PRR16: variants seen among roughly 807,000 people sequenced by gnomAD.
The protein encoded by PRR16 is proline rich 16, also known as protein Largen.
Under a neutral mutation model 18.2 loss-of-function variants are expected in PRR16, and 6 were observed. That is an observed-to-expected ratio of 0.33 (90% CI 0.18 to 0.65). The LOEUF (loss-of-function observed/expected upper bound fraction) is 0.65. Ranked by LOEUF, PRR16 falls within the 30% of genes least tolerant of loss-of-function variation. The probability of loss-of-function intolerance (pLI) is 0.74; values close to 1 mark genes in which losing one functional copy is unlikely to be tolerated. For missense variants in PRR16, 412 were observed against 376.6 expected (o/e 1.09, Z -0.78); for synonymous variants, 151 against 147.8 (o/e 1.02, Z -0.16).
chr5:120,566,753 C>A (rs1270532485), intron 1 of PRR16, among the ~76,000 whole-genome samples: 2 of 152,154 alleles, frequency 1.3e-5, no homozygotes, highest in Admixed American at 6.5e-5. Flanking sequence ...TCTCAATGTC[C>A]ATGCTTGTCA....
chr5:120,497,179 T>C (rs1750275189), intron 1 of PRR16, among the ~76,000 whole-genome samples: 1 of 152,146 alleles, frequency 6.6e-6, no homozygotes, highest in Admixed American at 6.5e-5. Context: ...TGCATTCTGC[T>C]CTTTCAAGGA....
chr5:120,768,637 AAAAC>A, the PRR16 span, among the ~76,000 whole-genome samples: 4 of 151,778 alleles, frequency 2.6e-5, no homozygotes, highest in Non-Finnish European at 1.5e-5. Context: ...TACAAAGAGA[AAAAC>A]AAAGGTTTGC....
the PRR16 span, among the ~76,000 whole-genome samples, chr5:120,764,702 A>G: frequency 1.4e-4 from 22 of 152,078 alleles, no homozygotes. Context: ...AGAAGTGTAT[A>G]TAATGCATTT....
At position 120,619,372 on chromosome 5, in the gene PRR16, G is replaced by A. The variant is rs1377319620; in HGVS notation, c.160-66582G>A. 2.6e-5 allele frequency among the ~76,000 whole-genome samples: 4 copies of A among 152,076 alleles called. No individual in the cohort carries two copies. In the East Asian group the frequency reaches 7.7e-4, roughly 29 times the overall value. ...ATAAAGTTGACTAGGAAAAATAATAGTATGGAATGTGCAATGTCTTTCCAT... is the reference window on the plus strand; with the variant it reads ...ATAAAGTTGACTAGGAAAAATAATAATATGGAATGTGCAATGTCTTTCCAT... On this transcript the variant is annotated intron_variant, in intron 1 of 1. Coordinates refer to ENST00000407149, the MANE Select transcript of PRR16 (RefSeq NM_001300783.2).
At chr5:120,665,235 T>G (rs1360416535) in intron 1 of PRR16, among the ~76,000 whole-genome samples, 1 of 146,510 alleles carries the variant, frequency 6.8e-6, no homozygotes, top group Non-Finnish European at 1.5e-5. Context: ...TCATGTGTCT[T>G]TTGGCTACAT....
intron 1 of PRR16, among the ~76,000 whole-genome samples, chr5:120,520,134 C>T (rs747379942): frequency 2.6e-5 from 4 of 152,076 alleles, no homozygotes; most frequent in African/African-American, 7.2e-5. Flanking sequence ...TAGAATTTTG[C>T]ACACAAATCC....
chr5:120,654,128 C>T (rs1474467165), intron 1 of PRR16, among the ~76,000 whole-genome samples: 1 of 152,002 alleles, frequency 6.6e-6, no homozygotes. Flanking sequence ...AGGAAATATC[C>T]TCTGAGGAGG....
intron 1 of PRR16, among the ~76,000 whole-genome samples, chr5:120,498,325 A>G (rs2112838841): frequency 6.7e-6 from 1 of 148,824 alleles, no homozygotes; most frequent in African/African-American, 2.4e-5. Flanking sequence ...ATATATACAC[A>G]TACATATATA....
chr5:120,487,261 G>A (rs1295725445), intron 1 of PRR16, among the ~76,000 whole-genome samples: 1 of 152,142 alleles, frequency 6.6e-6, no homozygotes. Context: ...TGACGATATT[G>A]ATTCTTCCTA....
chr5:120,500,568 T>G (rs538861950), intron 1 of PRR16, among the ~76,000 whole-genome samples: 9 of 152,342 alleles, frequency 5.9e-5, no homozygotes, highest in African/African-American at 2.2e-4. Context: ...AAATAAAATT[T>G]TGCCTAAAAT....
chr5:120,628,688 A>T lies in PRR16; in HGVS notation c.160-57266A>T, dbSNP rs1187943366. On this transcript the variant is annotated intron_variant, in intron 1 of 1. Coordinates refer to ENST00000407149, the MANE Select transcript of PRR16 (RefSeq NM_001300783.2). ...CTACCTATCTATCTATCTATCTATC[A>T]TTCTACCATCTATCTATCTATCTAT... is the stretch of plus-strand genomic sequence containing the variant. Among the ~76,000 whole-genome samples, 6 of 143,680 alleles carry T rather than the reference A, an allele frequency of 4.2e-5. No homozygotes were observed. In the East Asian group the frequency reaches 6.4e-4, roughly 15 times the overall value. The allele number at this position is 143,680 out of a possible 152,430, so 94.3% of individuals were successfully genotyped here. A position where few individuals can be genotyped will look rare whatever the true frequency, so the allele number is the denominator to read the frequency against.
At chr5:120,468,073 A>T (rs1289728578) in intron 1 of PRR16, among the ~76,000 whole-genome samples, 4 of 152,190 alleles carry the variant, frequency 2.6e-5, no homozygotes, top group African/African-American at 7.2e-5. Context: ...CTCTCACTGC[A>T]GGCTTGGGGA....
At chr5:120,775,831 A>G in the PRR16 span, among the ~76,000 whole-genome samples, 1 of 118,870 alleles carries the variant, frequency 8.4e-6, no homozygotes, top group African/African-American at 3.2e-5. Context: ...TATTTTTAGT[A>G]GAGATGGGGT....
At chr5:120,502,744 C>T (rs1750505931) in intron 1 of PRR16, among the ~76,000 whole-genome samples, 1 of 152,138 alleles carries the variant, frequency 6.6e-6, no homozygotes, top group East Asian at 1.9e-4. Context: ...AAAATGGTTT[C>T]ATACCAGCAA....
chr5:120,529,187 A>T (rs66926155), intron 1 of PRR16, among the ~76,000 whole-genome samples: 21,350 of 152,100 alleles, frequency 0.14, 1,762 homozygotes, highest in African/African-American at 0.22. Flanking sequence ...TTGAGAACCC[A>T]CTAAATACCA....
intron 1 of PRR16, among the ~76,000 whole-genome samples, chr5:120,576,102 A>C (rs908450658): frequency 2.0e-5 from 3 of 152,186 alleles, no homozygotes; most frequent in Non-Finnish European, 4.4e-5. Flanking sequence ...ATTCCATGAC[A>C]TTGGTCTAGG....
At chr5:120,745,510 G>C in the PRR16 span, among the ~76,000 whole-genome samples, 1 of 151,858 alleles carries the variant, frequency 6.6e-6, no homozygotes, top group African/African-American at 2.4e-5. Flanking sequence ...TGGACTGTTA[G>C]GAATTGCGTG....
the PRR16 span, among the ~76,000 whole-genome samples, chr5:120,705,689 A>G: frequency 6.6e-6 from 1 of 152,286 alleles, no homozygotes; most frequent in Middle Eastern, 3.4e-3. Context: ...ACAACATTAT[A>G]ATCATTATGA....
chr5:120,742,785 T>G, the PRR16 span, among the ~76,000 whole-genome samples: 3 of 152,204 alleles, frequency 2.0e-5, no homozygotes, highest in Non-Finnish European at 4.4e-5. Context: ...ATGAGTCTCA[T>G]GGAACTAAAG....
Sources: gnomAD v4.1 joint callset for allele counts (sites outside exome capture counted in the v4.1 genomes callset) on GRCh38, gnomAD v4.1.1 for gene constraint, MANE v1.5 for transcripts, NCBI Gene and HGNC (gene_info 2026-07-23, HGNC 2026-07-21) for gene names.